GNPDA1: variants seen among roughly 807,000 people sequenced by gnomAD.
GNPDA1 encodes the protein GNPDA 1.
GNPDA1 carries 24 observed loss-of-function variants against 28.5 expected under a neutral mutation model. The ratio of observed to expected loss-of-function variants is 0.84; its 90% CI spans 0.61 to 1.19. The LOEUF is 1.19. GNPDA1 is among the 50% of genes most tolerant of loss of function. The pLI is 0.00. For missense variants in GNPDA1, 264 were observed against 367.3 expected (o/e 0.72, Z 2.30); for synonymous variants, 147 against 139.3 (o/e 1.06, Z -0.39).
rs1196965307 is a variant in GNPDA1, at chr5:142,003,509, A to C, written c.595-247T>G. Among the ~76,000 whole-genome samples the C allele has an allele frequency of 6.6e-6, 1 of 152,170 alleles. No homozygotes were observed. ...AGGGTCATTTATGACCCCAAAGTTCATGTTCTTGACTACCACGTGACAGTG... is the reference window on the plus strand; with the variant it reads ...AGGGTCATTTATGACCCCAAAGTTCCTGTTCTTGACTACCACGTGACAGTG... On this transcript the variant is annotated intron_variant, in intron 5 of 6. Coordinates refer to ENST00000311337, the MANE Select transcript of GNPDA1 (RefSeq NM_005471.5). The surrounding 1 kb of genome is among the most constrained non-coding windows in gnomAD (Gnocchi z 4.0).
At chr5:142,008,720 C>A (rs1435775486) in intron 2 of GNPDA1, among the ~76,000 whole-genome samples, 1 of 150,112 alleles carries the variant, frequency 6.7e-6, no homozygotes, top group Non-Finnish European at 1.5e-5. Context: ...GAGCCAGACT[C>A]TATCTTGAAA....
chr5:142,003,350 T>G lies in GNPDA1; in HGVS notation c.595-88A>C. On this transcript the variant is annotated intron_variant, in intron 5 of 6. Transcript: ENST00000311337. The surrounding 1 kb of genome is among the most constrained non-coding windows in gnomAD (Gnocchi z 4.0). ...AGGATGATTGTTTTTCATATCACAT[T>G]GTAAGTGGTTACCATGCAACATACT... 1 of 864,696 alleles carries G rather than the reference T, an allele frequency of 1.2e-6. No individual in the cohort carries two copies. Among genetic ancestry groups the G allele is most frequent in the Non-Finnish European group, 1.8e-6 (1 of 547,694 alleles). The allele number at this position is 864,696 out of a possible 1,614,324, so 53.6% of individuals were successfully genotyped here. A position where few individuals can be genotyped will look rare whatever the true frequency, so the allele number is the denominator to read the frequency against.
chr5:142,001,035 G>A lies in GNPDA1; in HGVS notation c.*994C>T, dbSNP rs182577638. ...ATCAGACCACACCATGTGAATTTAA[G>A]CAGGACTATTTTAAGTGGGGAAACA... On this transcript the variant is annotated 3_prime_UTR_variant, in exon 7 of 7. Coordinates refer to ENST00000311337, the MANE Select transcript of GNPDA1 (RefSeq NM_005471.5). 6.6e-6 allele frequency: 1 copy of A among 152,506 alleles called. No homozygotes were observed. The highest frequency in any genetic ancestry group is 2.4e-5 in the African/African-American group (1 of 41,576). 9.4% of individuals were successfully genotyped at this position (152,506 alleles called of 1,614,324 possible). A position where few individuals can be genotyped will look rare whatever the true frequency, so the allele number is the denominator to read the frequency against.
In GNPDA1 at chr5:142,011,012, A is replaced by G. The variant is rs145122245; in HGVS notation, c.124+900T>C. 4.2e-3 allele frequency among the ~76,000 whole-genome samples: 637 copies of G among 152,038 alleles called. 2 individuals are homozygous for G. Among genetic ancestry groups the G allele is most frequent in the Non-Finnish European group, 6.7e-3 (453 of 67,972 alleles). On this transcript the variant is annotated intron_variant, in intron 2 of 6. Coordinates refer to ENST00000311337, the MANE Select transcript of GNPDA1 (RefSeq NM_005471.5). ...ACCCAGACTGGAGTACAGTGACACA[A>G]TCATGGCTCACTGCAGCCTCAATCT... is the stretch of plus-strand genomic sequence containing the variant.
chr5:142,011,969 G>C lies in GNPDA1; in HGVS notation c.67C>G (p.Arg23Gly). 1.2e-6 allele frequency: 2 copies of C among 1,613,410 alleles called. No individual in the cohort carries two copies. Residue 23 changes from arginine (R) to glycine (G), a missense_variant, in exon 2 of 7, where the codon CGC becomes GGC. Physicochemically the swap from Arg to Gly is moderately radical, Grantham distance 125 (BLOSUM62 -2). Coordinates refer to ENST00000311337, the MANE Select transcript of GNPDA1 (RefSeq NM_005471.5). The part of the protein sequence containing the change: ...SEWAAKYIRN[R>G]IIQFNPGPEK... ...GGCCCTGGGTTAAACTGGATGATGC[G>C]GTTCCTGATGTATTTAGCCGCCCAC...
At chr5:142,010,688 A>AT (rs1219343589) in intron 2 of GNPDA1, among the ~76,000 whole-genome samples, 4 of 148,792 alleles carry the variant, frequency 2.7e-5, no homozygotes, top group African/African-American at 9.9e-5. Flanking sequence ...TAATTTTTCT[A>AT]TTTTTTGTAG....
Position 142,011,937 on chromosome 5 carries a change from C to T in GNPDA1, c.99G>A (p.Lys33=), listed in dbSNP as rs775833497. 1 of 1,614,092 alleles carries T rather than the reference C, an allele frequency of 6.2e-7. No homozygotes were observed. Among genetic ancestry groups the T allele is most frequent in the Non-Finnish European group, 8.5e-7 (1 of 1,179,962 alleles). ...RIIQFNPGPE[K]YFTLGLPTGS... is the part of the protein sequence containing the mutation. ...CAGTGGGGAGCCCCAGGGTGAAGTA[C>T]TTCTCTGGCCCTGGGTTAAACTGGA... The change falls in exon 2 of 7, where the codon AAG becomes AAA. Residue 33 remains lysine, a synonymous_variant. Transcript: ENST00000311337.
rs770664373 is a variant in GNPDA1 at position 142,006,298 on chromosome 5, G to A, written c.255C>T (p.Tyr85=). The A allele has an allele frequency of 1.5e-5, 24 of 1,613,786 alleles. No individual in the cohort carries two copies. In the South Asian group the frequency reaches 2.6e-4, roughly 18 times the overall value. The change falls in exon 4 of 7, where the codon TAC becomes TAT. Residue 85 remains tyrosine (Y), a synonymous_variant. Coordinates refer to ENST00000311337, the MANE Select transcript of GNPDA1 (RefSeq NM_005471.5). ...AGAAGTTGTTCCACATGAAGGAGTGGTAACTCTCCGGGTGGTCTCGAGGAA... is the reference window on the plus strand; with the variant it reads ...AGAAGTTGTTCCACATGAAGGAGTGATAACTCTCCGGGTGGTCTCGAGGAA... ...VGLPRDHPES[Y]HSFMWNNFFK... is the part of the protein sequence containing the mutation.
At chr5:142,004,642 C>T (rs1055143427) in intron 5 of GNPDA1, among the ~76,000 whole-genome samples, 1 of 152,198 alleles carries the variant, frequency 6.6e-6, no homozygotes, top group Non-Finnish European at 1.5e-5. Flanking sequence ...ATGCTGGCCT[C>T]CTCTCTGCCT....
chr5:142,011,498 C>A (rs1323602103), intron 2 of GNPDA1, among the ~76,000 whole-genome samples: 1 of 152,142 alleles, frequency 6.6e-6, no homozygotes, highest in African/African-American at 2.4e-5. Context: ...AGAAAATTAC[C>A]TAAGTGACTA....
chr5:142,006,823 T>G (rs1755817282), intron 3 of GNPDA1, among the ~76,000 whole-genome samples: 2 of 149,480 alleles, frequency 1.3e-5, no homozygotes, highest in Admixed American at 1.3e-4. Context: ...CAGATCAACT[T>G]TTTTTTTTTT....
chr5:142,003,090 T>A lies in GNPDA1; in HGVS notation c.767A>T (p.Lys256Ile). 1.2e-6 allele frequency: 2 copies of A among 1,611,912 alleles called. No homozygotes were observed. The highest frequency in any genetic ancestry group is 1.7e-6 in the Non-Finnish European group (2 of 1,178,680). Residue 256 changes from lysine (K) to isoleucine (I), a missense_variant and splice_region_variant, in exon 6 of 7, where the codon AAA (lysine) becomes ATA (isoleucine). Physicochemically the swap from Lys to Ile is moderately radical, Grantham distance 102 (BLOSUM62 -3). Transcript: ENST00000311337. The surrounding 1 kb of genome is among the most constrained non-coding windows in gnomAD (Gnocchi z 4.0). ...TCCTGGACCCACACCTCCCTCACCTTTGAAATACTTGACAGTCTTCACTTT... is the reference window on the plus strand; with the variant it reads ...TCCTGGACCCACACCTCCCTCACCTATGAAATACTTGACAGTCTTCACTTT... Reference protein sequence around the residue: ...ELKVKTVKYFKGLMLVHNKLV... With the variant: ...ELKVKTVKYFIGLMLVHNKLV...
chr5:142,003,333 T>G lies in GNPDA1; in HGVS notation c.595-71A>C. ...CACCCTAAACAGTTGTAAGGATGATTGTTTTTCATATCACATTGTAAGTGG... is the reference window on the plus strand; with the variant it reads ...CACCCTAAACAGTTGTAAGGATGATGGTTTTTCATATCACATTGTAAGTGG... On this transcript the variant is annotated intron_variant, in intron 5 of 6. Coordinates refer to ENST00000311337, the MANE Select transcript of GNPDA1 (RefSeq NM_005471.5). The surrounding 1 kb of genome is among the most constrained non-coding windows in gnomAD (Gnocchi z 4.0). 9.8e-7 allele frequency: 1 copy of G among 1,021,616 alleles called. No homozygotes were observed. The highest frequency in any genetic ancestry group is 1.6e-5 in the South Asian group (1 of 64,446). The allele number at this position is 1,021,616 out of a possible 1,614,324, so 63.3% of individuals were successfully genotyped here. A position where few individuals can be genotyped will look rare whatever the true frequency, so the allele number is the denominator to read the frequency against.
At chr5:142,012,748 ATTTT>A (rs1755994441) in intron 1 of GNPDA1, 1 of 962,280 alleles carries the variant, frequency 1.0e-6, no homozygotes, top group African/African-American at 1.8e-5. Context: ...GAAGGAGGAC[ATTTT>A]GTTCCCCCAG....
intron 2 of GNPDA1, among the ~76,000 whole-genome samples, chr5:142,009,885 G>A (rs988392222): frequency 2.6e-5 from 4 of 152,210 alleles, no homozygotes; most frequent in Non-Finnish European, 5.9e-5. Context: ...AAGCAGGACA[G>A]GCAGGGAGAG....
intron 2 of GNPDA1, 43 bp from the exon 3 acceptor site, chr5:142,007,943 G>T: frequency 3.6e-6 from 4 of 1,119,626 alleles, no homozygotes; most frequent in Non-Finnish European, 5.5e-6. Context: ...TGCACCCCAA[G>T]TCTGGAAGCC....
intron 2 of GNPDA1, among the ~76,000 whole-genome samples, chr5:142,009,694 C>T (rs1755897314): frequency 6.6e-6 from 1 of 152,134 alleles, no homozygotes; most frequent in Non-Finnish European, 1.5e-5. Flanking sequence ...CTGCCATTTT[C>T]CAAACTTCTA....
At chr5:142,006,349 G>T in intron 3 of GNPDA1, 23 bp from the exon 4 acceptor site, 1 of 1,590,400 alleles carries the variant, frequency 6.3e-7, no homozygotes, top group Non-Finnish European at 8.6e-7. Flanking sequence ...GAGACACTCG[G>T]TTATGCCTAG....
At chr5:142,010,096 C>T (rs1433581911) in intron 2 of GNPDA1, among the ~76,000 whole-genome samples, 2 of 152,242 alleles carry the variant, frequency 1.3e-5, no homozygotes, top group African/African-American at 2.4e-5. Context: ...GTGGATACTA[C>T]TCCCACAAAC....
Sources: allele counts gnomAD v4.1 joint callset (sites outside exome capture counted in the v4.1 genomes callset), GRCh38; gene constraint gnomAD v4.1.1; non-coding constraint Gnocchi (gnomAD v3.1); transcripts MANE v1.5; gene names NCBI Gene and HGNC (gene_info 2026-07-23, HGNC 2026-07-21).